SYT1: variants seen among roughly 807,000 people sequenced by gnomAD.
SYT1 encodes the protein synaptotagmin-1.
A neutral mutation model predicts 44.8 loss-of-function variants in SYT1; 8 were observed. The observed-to-expected ratio is 0.18, with a 90% CI of 0.10 to 0.32. The LOEUF (loss-of-function observed/expected upper bound fraction) is 0.32. SYT1 is among the 10% of genes least tolerant of loss of function. The pLI is 1.00. For missense variants in SYT1, 286 were observed against 509.3 expected (o/e 0.56, Z 4.22); for synonymous variants, 154 against 188.8 (o/e 0.82, Z 1.51).
intron 10 of SYT1, among the ~76,000 whole-genome samples, chr12:79,446,764 G>A (rs544542653): frequency 4.9e-4 from 74 of 152,180 alleles, no homozygotes; most frequent in African/African-American, 1.5e-3. Flanking sequence ...CTGAACCAGC[G>A]GGCCCCCTGC....
chr12:79,386,912 C>T (rs146427514), intron 9 of SYT1, among the ~76,000 whole-genome samples: 16 of 152,226 alleles, frequency 1.1e-4, no homozygotes, highest in Admixed American at 7.2e-4. Context: ...TCTCTCTCAA[C>T]GTTAAATTCA....
chr12:79,106,734 TA>T (rs1878741772), intron 3 of SYT1, among the ~76,000 whole-genome samples: 1 of 151,988 alleles, frequency 6.6e-6, no homozygotes, highest in Admixed American at 6.6e-5. Context: ...TTCTTTGACA[TA>T]ATAGCTAAAG....
intron 9 of SYT1, among the ~76,000 whole-genome samples, chr12:79,381,222 C>T (rs945487620): frequency 6.6e-6 from 1 of 152,148 alleles, no homozygotes; most frequent in African/African-American, 2.4e-5. Flanking sequence ...TTTCCATTTT[C>T]GAAAGATTAT....
chr12:79,435,042 T>C (rs1284437564), intron 9 of SYT1, among the ~76,000 whole-genome samples: 2 of 152,148 alleles, frequency 1.3e-5, no homozygotes, highest in Non-Finnish European at 2.9e-5. Context: ...AATAAGCATT[T>C]CATCTATGTT....
intron 8 of SYT1, among the ~76,000 whole-genome samples, chr12:79,310,640 C>T (rs535453308): frequency 1.3e-5 from 2 of 152,268 alleles, no homozygotes; most frequent in East Asian, 3.9e-4. Context: ...ATTCTTCCTA[C>T]CCGTGAGCAT....
At chr12:79,039,974 A>G in intron 2 of SYT1, among the ~76,000 whole-genome samples, 4 of 148,194 alleles carry the variant, frequency 2.7e-5, no homozygotes, top group African/African-American at 7.5e-5. Flanking sequence ...ATGGCTGCAT[A>G]GTATTCCATG....
chr12:79,052,044 G>GT lies in SYT1; in HGVS notation c.-18+4688dup, dbSNP rs1424483130. Among the ~76,000 whole-genome samples, 3 of 152,060 alleles carry GT rather than the reference G, an allele frequency of 2.0e-5. No individual in the cohort carries two copies. The East Asian group carries it at 5.8e-4, about 29-fold the overall frequency. On this transcript the variant is annotated intron_variant, in intron 3 of 10. Coordinates refer to ENST00000261205, the MANE Select transcript of SYT1 (RefSeq NM_005639.3). ...TTGGTTCCATATGAACTTTAAAATA[G>GT]TTTTTTCCAATTCTGTGAAGAAAGT...
At chr12:78,934,830 G>A (rs2137225724) in intron 1 of SYT1, among the ~76,000 whole-genome samples, 1 of 152,314 alleles carries the variant, frequency 6.6e-6, no homozygotes, top group African/African-American at 2.4e-5. Context: ...GAAGCATGGT[G>A]ATGGCTGCAC....
At chr12:79,252,294 A>G (rs957156821) in intron 4 of SYT1, among the ~76,000 whole-genome samples, 1 of 152,204 alleles carries the variant, frequency 6.6e-6, no homozygotes, top group Non-Finnish European at 1.5e-5. Context: ...TGGCTAATTT[A>G]TTGTTGACAT....
intron 8 of SYT1, among the ~76,000 whole-genome samples, chr12:79,326,681 G>A (rs1308714499): frequency 6.6e-6 from 1 of 152,144 alleles, no homozygotes; most frequent in Non-Finnish European, 1.5e-5. Context: ...TTCTCTGCCT[G>A]CGAGAGGCAG....
chr12:79,356,775 G>A (rs1883130332), intron 9 of SYT1, among the ~76,000 whole-genome samples: 1 of 152,212 alleles, frequency 6.6e-6, no homozygotes, highest in South Asian at 2.1e-4. Flanking sequence ...TGGGAATAAT[G>A]AGAGGACTTT....
intron 1 of SYT1, among the ~76,000 whole-genome samples, chr12:78,895,988 A>G (rs1179313093): frequency 2.0e-5 from 3 of 151,820 alleles, no homozygotes; most frequent in African/African-American, 7.2e-5. Flanking sequence ...TTTTTCTCAA[A>G]TGTAAACTGA....
intron 3 of SYT1, among the ~76,000 whole-genome samples, chr12:79,077,741 T>A (rs1390478741): frequency 1.3e-5 from 2 of 152,208 alleles, no homozygotes; most frequent in Non-Finnish European, 2.9e-5. Flanking sequence ...CTACAAATTG[T>A]TAGCTGAAGG....
intron 9 of SYT1, among the ~76,000 whole-genome samples, chr12:79,414,717 G>A (rs1868628513): frequency 6.6e-6 from 1 of 152,110 alleles, no homozygotes; most frequent in South Asian, 2.1e-4. Flanking sequence ...TAAATAAAGG[G>A]CAGAAAGGCA....
chr12:79,130,984 A>G (rs1469016067), intron 3 of SYT1, among the ~76,000 whole-genome samples: 1 of 152,142 alleles, frequency 6.6e-6, no homozygotes, highest in Non-Finnish European at 1.5e-5. Flanking sequence ...TTGGAAGTAA[A>G]TTGTAATCCC....
chr12:79,225,438 G>A lies in SYT1; in HGVS notation c.166+7753G>A, dbSNP rs376243620. On this transcript the variant is annotated intron_variant, in intron 4 of 10. Coordinates refer to ENST00000261205, the MANE Select transcript of SYT1 (RefSeq NM_005639.3). ...GGTCCAATACATCGAACACTAGAAT[G>A]GGAAACACAAAATCTCAGTTCTTGT... Among the ~76,000 whole-genome samples, 73 of 152,254 alleles carry A rather than the reference G, an allele frequency of 4.8e-4. 1 individual carries two copies. In the South Asian group the frequency reaches 0.014, roughly 29 times the overall value.
At chr12:79,162,851 G>T (rs1871032340) in intron 3 of SYT1, among the ~76,000 whole-genome samples, 1 of 151,628 alleles carries the variant, frequency 6.6e-6, no homozygotes, top group Non-Finnish European at 1.5e-5. Context: ...TATTTATGTG[G>T]GCCCATTATT....
intron 4 of SYT1, among the ~76,000 whole-genome samples, chr12:79,243,894 A>C (rs1041042307): frequency 2.6e-5 from 4 of 151,788 alleles, no homozygotes; most frequent in African/African-American, 9.7e-5. Context: ...GGAAGGCAGG[A>C]AGGAAGGAAG....
chr12:79,003,827 TA>T (rs1466793179), intron 2 of SYT1, among the ~76,000 whole-genome samples: 2 of 151,976 alleles, frequency 1.3e-5, no homozygotes, highest in African/African-American at 4.8e-5. Flanking sequence ...AGATTACAGT[TA>T]TTTTTTTTTC....
Sources: gnomAD v4.1 joint callset for allele counts (sites outside exome capture counted in the v4.1 genomes callset) on GRCh38, gnomAD v4.1.1 for gene constraint, MANE v1.5 for transcripts, NCBI Gene and HGNC (gene_info 2026-07-23, HGNC 2026-07-21) for gene names.